The following COG5 variants were observed in gnomAD, a reference collection of about 807,000 sequenced individuals.
COG5 encodes conserved oligomeric Golgi complex subunit 5.
Under a neutral mutation model 110.4 loss-of-function variants are expected in COG5, and 86 were observed. The ratio of observed to expected loss-of-function variants is 0.78; its 90% CI spans 0.65 to 0.93. The LOEUF (loss-of-function observed/expected upper bound fraction) is 0.93. COG5 is among the 40% of genes least tolerant of loss of function. COG5 has a pLI of 0.00. For synonymous variants in COG5, 360 were observed against 334.6 expected, an observed-to-expected ratio of 1.08 and a Z score of -0.83; for missense variants, 1,077 against 987.0, an observed-to-expected ratio of 1.09 and a Z score of -1.22.
chr7:107,492,179 G>GTGTGTGTGTGTGTGTA (rs1278281012), intron 6 of COG5, among the ~76,000 whole-genome samples: 1 of 150,318 alleles, frequency 6.7e-6, no homozygotes, highest in South Asian at 2.1e-4. Flanking sequence ...GTGTGTGTGT[G>GTGTGTGTGTGTGTGTA]TGTGTGTGTG....
rs369312510 is a variant in COG5, at chr7:107,218,984, G to A, written c.2169-7759C>T. ...AGAAGCTAACATTCAAAATCTATAC[G>A]GAACACAAAAATGGCAAGAAAACTA... On this transcript the variant is annotated intron_variant, in intron 19 of 21. Transcript: ENST00000297135. Among the ~76,000 whole-genome samples, 8 of 151,984 alleles carry A rather than the reference G, an allele frequency of 5.3e-5. No individual in the cohort carries two copies. In the East Asian group the frequency reaches 5.8e-4, roughly 11 times the overall value.
chr7:107,333,986 T>G (rs1169185522), intron 10 of COG5, among the ~76,000 whole-genome samples: 2 of 152,158 alleles, frequency 1.3e-5, no homozygotes, highest in Non-Finnish European at 2.9e-5. Context: ...TTTCTCTCTC[T>G]TGGGGTCAAT....
intron 7 of COG5, 63 bp downstream of exon 7, chr7:107,412,433 CTCAAAG>C: frequency 1.3e-6 from 2 of 1,490,668 alleles, no homozygotes; most frequent in East Asian, 2.3e-5. Context: ...CTTTTTTGAA[CTCAAAG>C]TCAAATGTTC....
chr7:107,345,576 G>T (rs572606279), intron 10 of COG5, among the ~76,000 whole-genome samples: 42 of 152,168 alleles, frequency 2.8e-4, no homozygotes, highest in African/African-American at 1.0e-3. Flanking sequence ...GGAAATGGGA[G>T]GTGGTGTTCA....
intron 6 of COG5, among the ~76,000 whole-genome samples, chr7:107,492,069 A>T (rs963472431): frequency 6.6e-6 from 1 of 152,086 alleles, no homozygotes; most frequent in Non-Finnish European, 1.5e-5. Flanking sequence ...TGTATAAAAA[A>T]ATATCTAGTT....
chr7:107,316,046 A>G (rs1275638249), intron 11 of COG5, among the ~76,000 whole-genome samples: 1 of 152,220 alleles, frequency 6.6e-6, no homozygotes, highest in Non-Finnish European at 1.5e-5. Context: ...CAATTTCAAT[A>G]GAATGATGGA....
At chr7:107,508,066 G>A (rs938781169) in intron 6 of COG5, among the ~76,000 whole-genome samples, 27 of 152,256 alleles carry the variant, frequency 1.8e-4, no homozygotes, top group East Asian at 7.7e-4. Flanking sequence ...TGCACGAGCC[G>A]AAGCAGGGCG....
At chr7:107,383,414 T>G (rs974539266) in intron 7 of COG5, among the ~76,000 whole-genome samples, 12 of 152,130 alleles carry the variant, frequency 7.9e-5, no homozygotes, top group African/African-American at 2.9e-4. Context: ...AACCCCAACC[T>G]TCCTGTTTCA....
At chr7:107,516,721 G>C (rs1397952844) in intron 6 of COG5, among the ~76,000 whole-genome samples, 1 of 152,142 alleles carries the variant, frequency 6.6e-6, no homozygotes, top group East Asian at 1.9e-4. Context: ...CAGGTGAACA[G>C]GGTCTGCAGT....
chr7:107,251,128 C>T (rs1802470394), intron 16 of COG5, among the ~76,000 whole-genome samples: 1 of 99,392 alleles, frequency 1.0e-5, no homozygotes, highest in Non-Finnish European at 2.0e-5. Flanking sequence ...AATCTTGAAA[C>T]TAGCCAAAAA....
chr7:107,426,501 A>G (rs1187316328), intron 6 of COG5, among the ~76,000 whole-genome samples: 2 of 152,142 alleles, frequency 1.3e-5, no homozygotes, highest in Admixed American at 6.5e-5. Flanking sequence ...GGGTGCCAAC[A>G]TGGTCAGCTT....
At chr7:107,420,169 T>A (rs1793177829) in intron 6 of COG5, among the ~76,000 whole-genome samples, 1 of 152,168 alleles carries the variant, frequency 6.6e-6, no homozygotes, top group Non-Finnish European at 1.5e-5. Context: ...CACCTGTGCT[T>A]TAATTATGCT....
chr7:107,236,402 A>C (rs1366479007), intron 18 of COG5, 48 bp downstream of exon 18: 1 of 1,303,900 alleles, frequency 7.7e-7, no homozygotes, highest in Admixed American at 1.7e-5. Context: ...TTAATAGATG[A>C]TATTGAGGCC....
intron 12 of COG5, among the ~76,000 whole-genome samples, chr7:107,287,373 G>A (rs762528170): frequency 6.6e-6 from 1 of 152,098 alleles, no homozygotes; most frequent in Non-Finnish European, 1.5e-5. Context: ...CTTGTTATCA[G>A]GCAAATCATG....
At chr7:107,531,760 A>C (rs1801224349) in intron 5 of COG5, among the ~76,000 whole-genome samples, 1 of 151,260 alleles carries the variant, frequency 6.6e-6, no homozygotes, top group African/African-American at 2.4e-5. Flanking sequence ...ATTGATGCTC[A>C]AAGTGTTCCA....
intron 10 of COG5, among the ~76,000 whole-genome samples, chr7:107,350,507 T>C (rs1261848289): frequency 6.6e-6 from 1 of 152,238 alleles, no homozygotes; most frequent in African/African-American, 2.4e-5. Flanking sequence ...ATAATTCTAC[T>C]ATCTGAAATC....
At chr7:107,375,787 G>A (rs1020365172) in intron 7 of COG5, among the ~76,000 whole-genome samples, 2 of 151,778 alleles carry the variant, frequency 1.3e-5, no homozygotes, top group Non-Finnish European at 2.9e-5. Context: ...TCTTAATCAA[G>A]TATTTTAAGG....
At chr7:107,328,216 G>A (rs1363192172) in intron 10 of COG5, among the ~76,000 whole-genome samples, 1 of 152,160 alleles carries the variant, frequency 6.6e-6, no homozygotes, top group Non-Finnish European at 1.5e-5. Flanking sequence ...GGCTTTATGT[G>A]ATAGCCTATC....
At chr7:107,556,488 T>A (rs1195621628) in intron 2 of COG5, among the ~76,000 whole-genome samples, 1 of 152,166 alleles carries the variant, frequency 6.6e-6, no homozygotes, top group Non-Finnish European at 1.5e-5. Flanking sequence ...AGATGCTGCA[T>A]ACAAGGAATA....
Sources: allele counts gnomAD v4.1 joint callset (sites outside exome capture counted in the v4.1 genomes callset), GRCh38; gene constraint gnomAD v4.1.1; transcripts MANE v1.5; gene names NCBI Gene and HGNC (gene_info 2026-07-23, HGNC 2026-07-21).